Variants in TMTC1 observed in about 807,000 individuals in gnomAD.
TMTC1 encodes the protein protein O-mannosyl-transferase TMTC1.
A neutral mutation model predicts 104.8 loss-of-function variants in TMTC1; 73 were observed. The ratio of observed to expected loss-of-function variants is 0.70; its 90% confidence interval spans 0.58 to 0.85. The LOEUF is 0.85. TMTC1 is among the 40% of genes least tolerant of loss of function. The pLI is 0.00. For missense variants in TMTC1, 1,035 were observed against 1,096.1 expected (o/e 0.94, Z 0.79); for synonymous variants, 434 against 428.7 (o/e 1.01, Z -0.15).
At chr12:29,514,952 T>C (rs1181856954) in intron 15 of TMTC1, among the ~76,000 whole-genome samples, 2 of 152,080 alleles carry the variant, frequency 1.3e-5, no homozygotes, top group Non-Finnish European at 2.9e-5. Context: ...GAGGTGGACC[T>C]TGTAGTGAGG....
intron 6 of TMTC1, among the ~76,000 whole-genome samples, chr12:29,620,329 T>C (rs766310300): frequency 6.6e-6 from 1 of 152,100 alleles, no homozygotes; most frequent in Non-Finnish European, 1.5e-5. Flanking sequence ...CTCCACAGCC[T>C]TCCCTCCCCC....
chr12:29,588,271 C>G (rs962741949), intron 7 of TMTC1, among the ~76,000 whole-genome samples: 2 of 152,140 alleles, frequency 1.3e-5, no homozygotes, highest in Non-Finnish European at 2.9e-5. Context: ...AAACCCAAAC[C>G]AAAAACCTCT....
intron 5 of TMTC1, among the ~76,000 whole-genome samples, chr12:29,650,759 G>A (rs1460283662): frequency 6.6e-6 from 1 of 152,188 alleles, no homozygotes; most frequent in Non-Finnish European, 1.5e-5. Flanking sequence ...AACCGATGTT[G>A]TAGGTAAATG....
At chr12:29,660,051 T>G (rs1292749089) in intron 5 of TMTC1, 6 of 1,241,776 alleles carry the variant, frequency 4.8e-6, no homozygotes, top group Non-Finnish European at 6.8e-6. Context: ...AGGTGCATTC[T>G]GTTCCTCTAA....
At chr12:29,639,416 A>G (rs1425756734) in intron 5 of TMTC1, among the ~76,000 whole-genome samples, 1 of 152,196 alleles carries the variant, frequency 6.6e-6, no homozygotes, top group Non-Finnish European at 1.5e-5. Context: ...AGTTATGAGT[A>G]CAGGATTAGA....
At chr12:29,630,270 G>A (rs1343197118) in intron 6 of TMTC1, among the ~76,000 whole-genome samples, 1 of 152,150 alleles carries the variant, frequency 6.6e-6, no homozygotes, top group Non-Finnish European at 1.5e-5. Context: ...TGGCTGGGGA[G>A]GCTTCAGGAA....
intron 5 of TMTC1, among the ~76,000 whole-genome samples, chr12:29,676,583 G>C (rs1283664529): frequency 6.6e-6 from 1 of 152,236 alleles, no homozygotes. Context: ...TAGTCAGTCA[G>C]AGATCGATTT....
At chr12:29,719,538 G>A (rs1942177465) in intron 5 of TMTC1, among the ~76,000 whole-genome samples, 1 of 152,152 alleles carries the variant, frequency 6.6e-6, no homozygotes, top group Admixed American at 6.5e-5. Flanking sequence ...CAATGCTTAG[G>A]TCAGTGAAAT....
intron 10 of TMTC1, among the ~76,000 whole-genome samples, chr12:29,545,496 C>G (rs1352851640): frequency 6.6e-6 from 1 of 151,992 alleles, no homozygotes; most frequent in African/African-American, 2.4e-5. Context: ...AAAAATTAGC[C>G]AAGCATAGTG....
At chr12:29,546,731 TTTCTC>T (rs1320914933) in intron 10 of TMTC1, among the ~76,000 whole-genome samples, 2 of 152,152 alleles carry the variant, frequency 1.3e-5, no homozygotes, top group Non-Finnish European at 2.9e-5. Flanking sequence ...ATTATCCACA[TTTCTC>T]TTATTCTTTT....
chr12:29,531,599 T>C (rs1161658649), intron 11 of TMTC1, among the ~76,000 whole-genome samples: 2 of 152,146 alleles, frequency 1.3e-5, no homozygotes, highest in East Asian at 3.9e-4. Flanking sequence ...AAAATGATTG[T>C]GGGCTTATAA....
intron 9 of TMTC1, among the ~76,000 whole-genome samples, chr12:29,565,008 G>A (rs1162603018): frequency 2.0e-5 from 3 of 152,090 alleles, no homozygotes; most frequent in African/African-American, 7.2e-5. Context: ...AATTAATCAG[G>A]GTTCTCCAGA....
chr12:29,536,430 C>G (rs1853959450), intron 10 of TMTC1, 113 bp from the exon 11 acceptor site: 1 of 705,102 alleles, frequency 1.4e-6, no homozygotes, highest in South Asian at 1.7e-5. Context: ...AGCTGATTCA[C>G]TCTGGATTTA....
rs74648260 is a variant in TMTC1 at position 29,692,398 on chromosome 12, G to C, written c.939-59062C>G. ...CCAACGAAATGAATTAAGTTCACCT[G>C]AAAGCTTCAAAGGACACAGTCAATA... On this transcript the variant is annotated intron_variant, in intron 5 of 17. Coordinates refer to ENST00000539277, the MANE Select transcript of TMTC1 (RefSeq NM_001193451.2). Among the ~76,000 whole-genome samples, 14 of 144,944 alleles carry C rather than the reference G, an allele frequency of 9.7e-5. 3 individuals carry two copies. In the East Asian group the frequency reaches 3.0e-3, roughly 31 times the overall value.
chr12:29,592,670 G>T (rs1946311600), intron 7 of TMTC1, among the ~76,000 whole-genome samples: 1 of 152,112 alleles, frequency 6.6e-6, no homozygotes, highest in African/African-American at 2.4e-5. Flanking sequence ...CGGTTTGCAT[G>T]TCCACCCTGA....
At chr12:29,602,607 T>C (rs1034545339) in intron 7 of TMTC1, among the ~76,000 whole-genome samples, 16 of 152,102 alleles carry the variant, frequency 1.1e-4, no homozygotes, top group Admixed American at 2.6e-4. Context: ...ACTACTACAG[T>C]GTGAATTACT....
intron 5 of TMTC1, among the ~76,000 whole-genome samples, chr12:29,737,554 G>C (rs1358116184): frequency 3.3e-5 from 5 of 152,128 alleles, no homozygotes; most frequent in African/African-American, 9.6e-5. Flanking sequence ...CGGCGGGAGG[G>C]GGGAAGCCAC....
At chr12:29,541,482 C>T (rs750257279) in intron 10 of TMTC1, among the ~76,000 whole-genome samples, 5 of 152,100 alleles carry the variant, frequency 3.3e-5, no homozygotes, top group African/African-American at 7.2e-5. Context: ...CTAAAAATCA[C>T]CCATTGAAAC....
chr12:29,727,896 C>T (rs184223), intron 5 of TMTC1, among the ~76,000 whole-genome samples: 50,091 of 151,862 alleles, frequency 0.33, 9,289 homozygotes, highest in Non-Finnish European at 0.42. Context: ...GCTCAGCTAT[C>T]CTCCCACCTC....
Sources: allele counts gnomAD v4.1 joint callset (sites outside exome capture counted in the v4.1 genomes callset), GRCh38; gene constraint gnomAD v4.1.1; transcripts MANE v1.5; gene names NCBI Gene and HGNC (gene_info 2026-07-23, HGNC 2026-07-21).